SMG6: variants seen among roughly 807,000 people sequenced by gnomAD.
SMG6 encodes SMG6 nonsense mediated mRNA decay factor.
In SMG6, 66 loss-of-function variants were observed where a neutral mutation model predicts 142.2. The observed-to-expected ratio is 0.46, with a 90% CI of 0.38 to 0.57. The LOEUF (loss-of-function observed/expected upper bound fraction) is 0.57, where lower values mean the gene tolerates loss of function less well. Ranked by LOEUF, SMG6 falls within the 20% of genes least tolerant of loss-of-function variation. SMG6 has a pLI of 0.00. For synonymous variants in SMG6, 779 were observed against 702.4 expected, an observed-to-expected ratio of 1.11 and a Z score of -1.72; for missense variants, 1,793 against 1,832.0, an observed-to-expected ratio of 0.98 and a Z score of 0.39.
At chr17:2,181,841 A>C (rs770403227) in intron 12 of SMG6, among the ~76,000 whole-genome samples, 8 of 152,188 alleles carry the variant, frequency 5.3e-5, no homozygotes, top group Non-Finnish European at 8.8e-5. Flanking sequence ...TCAGCATCTC[A>C]AGCAAATGAG....
intron 9 of SMG6, 64 bp from the exon 10 acceptor site, chr17:2,236,701 TCACA>T (rs71150853): frequency 0.089 from 84,606 of 948,508 alleles, 3,241 homozygotes; most frequent in East Asian, 0.2. Context: ...TCACTCTGTC[TCACA>T]CACACACACA....
At chr17:2,234,261 AATTATT>A (rs968326440) in intron 10 of SMG6, among the ~76,000 whole-genome samples, 6 of 150,742 alleles carry the variant, frequency 4.0e-5, no homozygotes, top group African/African-American at 1.5e-4. Flanking sequence ...TTTAATTCTT[AATTATT>A]ATTATTATTT....
At chr17:2,142,304 A>C (rs2070506412) in intron 13 of SMG6, among the ~76,000 whole-genome samples, 1 of 152,188 alleles carries the variant, frequency 6.6e-6, no homozygotes, top group Non-Finnish European at 1.5e-5. Context: ...AATATTTGTA[A>C]ATCATTTATC....
chr17:2,300,377 C>T lies in SMG6; in HGVS notation c.376G>A (p.Gly126Arg), dbSNP rs2075253107. The T allele has an allele frequency of 6.2e-7, 1 of 1,613,812 alleles. No homozygotes were observed. The highest frequency in any genetic ancestry group is 8.5e-7 in the Non-Finnish European group (1 of 1,180,048). Residue 126 changes from glycine to arginine, a missense_variant, in exon 2 of 19, where the codon GGA becomes AGA. Around this residue, in one of 3 missense-constraint regions of SMG6, gnomAD observed 1,597 missense variants for 1,584.6 expected, o/e 1.01. Transcript: ENST00000263073. ...RGQESFPRTA[G>R]QEDRSLKIIK... ...ATTTTTAGACTACGATCCTCTTGTC[C>T]AGCAGTCCTAGGAAAGGATTCTTGT...
At chr17:2,218,307 TG>T (rs1457858553) in intron 10 of SMG6, among the ~76,000 whole-genome samples, 1 of 152,120 alleles carries the variant, frequency 6.6e-6, no homozygotes, top group Admixed American at 6.5e-5. Context: ...CCCAGCACTT[TG>T]GGAGGCTGAG....
chr17:2,129,655 G>A (rs1188083402), intron 13 of SMG6, among the ~76,000 whole-genome samples: 2 of 151,564 alleles, frequency 1.3e-5, no homozygotes, highest in Non-Finnish European at 2.9e-5. Flanking sequence ...TCAGCCTGGC[G>A]TGGTGGTGCG....
intron 13 of SMG6, among the ~76,000 whole-genome samples, chr17:2,102,320 T>G (rs1257845569): frequency 6.6e-6 from 1 of 152,128 alleles, no homozygotes; most frequent in Non-Finnish European, 1.5e-5. Context: ...ATACTTATCA[T>G]TTTATTGTGG....
chr17:2,234,927 T>TCA (rs1245853724), intron 10 of SMG6, among the ~76,000 whole-genome samples: 1 of 152,120 alleles, frequency 6.6e-6, no homozygotes, highest in Non-Finnish European at 1.5e-5. Context: ...AAGCCACAGG[T>TCA]CATTTGGTGC....
intron 15 of SMG6, among the ~76,000 whole-genome samples, chr17:2,075,547 G>T (rs2068234301): frequency 6.6e-6 from 1 of 152,208 alleles, no homozygotes; most frequent in African/African-American, 2.4e-5. Context: ...GGATTCACAG[G>T]GCCAGGGCCA....
chr17:2,202,028 G>GA lies in SMG6; in HGVS notation c.2870-13514dup, dbSNP rs58808149. Among the ~76,000 whole-genome samples the GA allele has an allele frequency of 6.7e-5, 10 of 148,764 alleles. No homozygotes were observed. In the East Asian group the frequency reaches 7.9e-4, roughly 12 times the overall value. Reference sequence around the variant, plus strand: ...AAGAGAGCGAGACTCCATCTCAAAGGAAAAAAAAAAGTTAAGTACCAAACG... The same window carrying GA: ...AAGAGAGCGAGACTCCATCTCAAAGGAAAAAAAAAAAGTTAAGTACCAAACG... On this transcript the variant is annotated intron_variant, in intron 10 of 18. Transcript: ENST00000263073.
intron 10 of SMG6, among the ~76,000 whole-genome samples, chr17:2,224,874 A>G (rs990861849): frequency 1.3e-5 from 2 of 152,238 alleles, no homozygotes; most frequent in African/African-American, 4.8e-5. Flanking sequence ...AAGCACCTAG[A>G]GAGAAAAGAC....
intron 14 of SMG6, among the ~76,000 whole-genome samples, chr17:2,084,707 C>T (rs1395941236): frequency 6.6e-6 from 1 of 152,232 alleles, no homozygotes; most frequent in African/African-American, 2.4e-5. Context: ...GACCTGGCCC[C>T]TGGCTAGAAT....
intron 15 of SMG6, among the ~76,000 whole-genome samples, chr17:2,069,622 A>T (rs902810198): frequency 6.6e-6 from 1 of 152,182 alleles, no homozygotes; most frequent in Non-Finnish European, 1.5e-5. Context: ...AACAACAAAC[A>T]ACGAACAATG....
At position 2,299,613 on chromosome 17, in the gene SMG6, T is replaced by G; in HGVS notation, c.1140A>C (p.Lys380Asn). ...AGCCTTTGCCCCCACTGCTCAAGCC[T>G]TTGTCAGGCTTTCCTCTATCCATAT... is the stretch of plus-strand genomic sequence containing the variant. ...RDDMDRGKPD[K>N]GLSSGGKGSE... is the part of the protein sequence containing the mutation. The change falls in exon 2 of 19, where the codon AAA (lysine) becomes AAC (asparagine). Residue 380 changes from lysine to asparagine, a missense_variant. Lys to Asn is a moderately conservative substitution (Grantham distance 94). This residue lies in a region of SMG6 where 1,597 missense variants were observed against 1,584.6 expected (regional missense o/e 1.01). Coordinates refer to ENST00000263073, the MANE Select transcript of SMG6 (RefSeq NM_017575.5). This position sits in a 1 kb window ranked among gnomAD's most constrained non-coding sequence, Gnocchi z 4.3. 6.2e-7 allele frequency: 1 copy of G among 1,614,180 alleles called. No homozygotes were observed. Among genetic ancestry groups the G allele is most frequent in the Non-Finnish European group, 8.5e-7 (1 of 1,180,024 alleles).
rs141259567 is a variant in SMG6, at chr17:2,267,039, C to T, written c.2661+15608G>A. On this transcript the variant is annotated intron_variant, in intron 8 of 18. Coordinates refer to ENST00000263073, the MANE Select transcript of SMG6 (RefSeq NM_017575.5). ...AGGCTCTAATGAACTGCTGTCATCA[C>T]GTGCTGCCAAACTGCAGTTCACACA... Among the ~76,000 whole-genome samples, 178 of 152,324 alleles carry T rather than the reference C, an allele frequency of 1.2e-3. 1 individual carries two copies. The highest frequency in any genetic ancestry group is 3.9e-3 in the African/African-American group (161 of 41,576).
chr17:2,073,306 ACTCCCGACCT>A (rs922157523), intron 15 of SMG6, among the ~76,000 whole-genome samples: 3 of 150,566 alleles, frequency 2.0e-5, no homozygotes, highest in African/African-American at 7.3e-5. Context: ...CTGGTCTCAA[ACTCCCGACCT>A]CAGGTGATCC....
At chr17:2,129,012 C>G (rs1376510446) in intron 13 of SMG6, among the ~76,000 whole-genome samples, 1 of 152,152 alleles carries the variant, frequency 6.6e-6, no homozygotes, top group Non-Finnish European at 1.5e-5. Context: ...TGGGAGAGTA[C>G]ACTGGACTAT....
At chr17:2,284,198 ATTATTATG>A (rs2074854277) in intron 6 of SMG6, among the ~76,000 whole-genome samples, 2 of 152,202 alleles carry the variant, frequency 1.3e-5, no homozygotes, top group African/African-American at 4.8e-5. Flanking sequence ...AGATTATTAC[ATTATTATG>A]TAATAATCTT....
At position 2,303,654 on chromosome 17, in the gene SMG6, C is replaced by G; in HGVS notation, c.67G>C (p.Ala23Pro). Residue 23 changes from alanine (A) to proline (P), a missense_variant, in exon 1 of 19, where the codon GCC becomes CCC. Physicochemically the swap from Ala to Pro is conservative, Grantham distance 27. Around this residue, in one of 3 missense-constraint regions of SMG6, gnomAD observed 1,597 missense variants for 1,584.6 expected, o/e 1.01. Transcript: ENST00000263073. Reference protein sequence around the residue: ...SELRGILATLAPQAGSRENMK... With the variant: ...SELRGILATLPPQAGSRENMK... ...TCACCTCTGCTCCCGGCCTGCGGGG[C>G]CAGAGTAGCCAGGATCCCGCGCAGC... The G allele has an allele frequency of 6.7e-7, 1 of 1,489,686 alleles. No individual in the cohort carries two copies. The highest frequency in any genetic ancestry group is 8.9e-7 in the Non-Finnish European group (1 of 1,126,516). The allele number at this position is 1,489,686 out of a possible 1,614,324, so 92.3% of individuals were successfully genotyped here. A position where few individuals can be genotyped will look rare whatever the true frequency, so the allele number is the denominator to read the frequency against.
Sources: gnomAD v4.1 joint callset for allele counts (sites outside exome capture counted in the v4.1 genomes callset) on GRCh38, gnomAD v4.1.1 for gene constraint, gnomAD v4.1.1 regional missense constraint, Gnocchi (gnomAD v3.1) non-coding constraint, MANE v1.5 for transcripts, NCBI Gene and HGNC (gene_info 2026-07-23, HGNC 2026-07-21) for gene names.